GRTP1: variants seen among roughly 807,000 people sequenced by gnomAD.
GRTP1 encodes the protein growth hormone-regulated TBC protein 1.
Under a neutral mutation model 38.1 loss-of-function variants are expected in GRTP1, and 56 were observed. The observed-to-expected ratio is 1.47, with a 90% CI of 1.19 to 1.84. GRTP1 has a LOEUF of 1.84. GRTP1 is among the 40% of genes most tolerant of loss of function. The pLI is 0.00. For missense variants in GRTP1, 506 were observed against 453.9 expected, an observed-to-expected ratio of 1.11 and a Z score of -1.04; for synonymous variants, 217 against 189.5, an observed-to-expected ratio of 1.14 and a Z score of -1.19.
intron 4 of GRTP1, among the ~76,000 whole-genome samples, chr13:113,347,386 G>A (rs984568142): frequency 3.8e-5 from 3 of 79,962 alleles, no homozygotes; most frequent in Admixed American, 1.1e-4. Context: ...GAAGCCGAGA[G>A]CAGACCCGGG....
rs866960049 is a variant in GRTP1 at position 113,346,032 on chromosome 13, A to G, written c.466-1073T>C. Among the ~76,000 whole-genome samples, 296 of 31,634 alleles carry G rather than the reference A, an allele frequency of 9.4e-3. 2 individuals are homozygous for G. The highest frequency in any genetic ancestry group is 0.029 in the African/African-American group (252 of 8,616). The allele number at this position is 31,634 out of a possible 152,430, so 20.8% of individuals were successfully genotyped here. A position where few individuals can be genotyped will look rare whatever the true frequency, so the allele number is the denominator to read the frequency against. On this transcript the variant is annotated intron_variant, in intron 4 of 7. Coordinates refer to ENST00000375431, the MANE Select transcript of GRTP1 (RefSeq NM_024719.4). ...CCTCTGCGGCTGAGCAGACCTGGGAAGACATCTGTGGCCGAGAGCAGACCC... is the reference window on the plus strand; with the variant it reads ...CCTCTGCGGCTGAGCAGACCTGGGAGGACATCTGTGGCCGAGAGCAGACCC...
Position 113,324,298 on chromosome 13 carries a change from CAT to C in GRTP1, c.*188_*189del. 1.3e-6 allele frequency: 1 copy of C among 782,954 alleles called. No homozygotes were observed. The highest frequency in any genetic ancestry group is 3.4e-5 in the South Asian group (1 of 29,654). 48.5% of individuals were successfully genotyped at this position (782,954 alleles called of 1,614,324 possible). ...AAGTTTTCTTTAAAAAGTATGACTTCATAGCTAATCATCAAAAGCTGGTAGAA... is the reference window on the plus strand; with the variant it reads ...AAGTTTTCTTTAAAAAGTATGACTTCAGCTAATCATCAAAAGCTGGTAGAA... On this transcript the variant is annotated 3_prime_UTR_variant, in exon 8 of 8. Transcript: ENST00000375431.
intron 7 of GRTP1, chr13:113,325,360 GGGGAGGCCGGGCCTC>G: frequency 7.0e-7 from 1 of 1,425,972 alleles, no homozygotes; most frequent in Non-Finnish European, 9.1e-7. Context: ...AGGACCCAGT[GGGGAGGCCGGGCCTC>G]GGGAAGCCAC....
intron 5 of GRTP1, 83 bp from the exon 6 acceptor site, chr13:113,326,174 A>G (rs1240283902): frequency 3.9e-6 from 6 of 1,534,914 alleles, no homozygotes; most frequent in African/African-American, 2.7e-5. Flanking sequence ...AGACAAAGAC[A>G]ACAGGGCCAC....
At chr13:113,334,146 A>T (rs560016026) in intron 5 of GRTP1, among the ~76,000 whole-genome samples, 297 of 152,296 alleles carry the variant, frequency 2.0e-3, no homozygotes, top group African/African-American at 6.8e-3. Flanking sequence ...ATGCCTGTGC[A>T]TTTAGAAACA....
At chr13:113,325,177 A>C in intron 7 of GRTP1, 1 of 1,059,202 alleles carries the variant, frequency 9.4e-7, no homozygotes, top group Non-Finnish European at 1.1e-6. Flanking sequence ...AATACCGCCC[A>C]CGTTTGCCAT....
chr13:113,334,280 A>ACTGCCCCCCCCC (rs1202504022), intron 5 of GRTP1, among the ~76,000 whole-genome samples: 38 of 142,478 alleles, frequency 2.7e-4, no homozygotes, highest in Middle Eastern at 3.5e-3. Flanking sequence ...CACTGCCACG[A>ACTGCCCCCCCCC]CAGCCTCCCG....
rs1281403783 is a variant in GRTP1, at chr13:113,343,419, G to A, written c.562+1444C>T. On this transcript the variant is annotated intron_variant, in intron 5 of 7. Transcript: ENST00000375431. This position sits in a 1 kb window ranked among gnomAD's most constrained non-coding sequence, Gnocchi z 4.8. ...CTGTGGGGTTCCCTTCCTCTGGGGC[G>A]GCTCCGTCAGGCTGGTCTCTGGCAT... Among the ~76,000 whole-genome samples the A allele has an allele frequency of 1.3e-5, 2 of 152,270 alleles. No homozygotes were observed. Among genetic ancestry groups the A allele is most frequent in the East Asian group, 3.9e-4 (2 of 5,182 alleles).
At chr13:113,331,594 C>T (rs566509644) in intron 5 of GRTP1, among the ~76,000 whole-genome samples, 5 of 151,384 alleles carry the variant, frequency 3.3e-5, no homozygotes, top group South Asian at 2.1e-4. Context: ...CCTTCTCAGA[C>T]GCAGCTCAGG....
chr13:113,337,071 A>G (rs2042964962), intron 5 of GRTP1, among the ~76,000 whole-genome samples: 1 of 152,154 alleles, frequency 6.6e-6, no homozygotes, highest in Non-Finnish European at 1.5e-5. Context: ...AGGTGGGAGG[A>G]TCATTTGAGC....
At chr13:113,336,707 C>T (rs1421434049) in intron 5 of GRTP1, among the ~76,000 whole-genome samples, 3 of 151,844 alleles carry the variant, frequency 2.0e-5, no homozygotes, top group Non-Finnish European at 4.4e-5. Context: ...CTGAGGACAG[C>T]GGACACATGA....
intron 5 of GRTP1, among the ~76,000 whole-genome samples, chr13:113,330,235 GGGTGTGTGCATGGAAACCCA>G (rs1566415022): frequency 5.5e-5 from 7 of 127,012 alleles, no homozygotes; most frequent in Non-Finnish European, 1.0e-4. Flanking sequence ...ATGGAAACCC[GGGTGTGTGCATGGAAACCCA>G]GGTGTGTGCA....
At chr13:113,355,079 G>C in intron 3 of GRTP1, 1 of 459,362 alleles carries the variant, frequency 2.2e-6, no homozygotes, top group Non-Finnish European at 3.9e-6. Flanking sequence ...GAGCGCATCT[G>C]CTCCTTCATG....
At chr13:113,347,203 C>A (rs71446694) in intron 4 of GRTP1, among the ~76,000 whole-genome samples, 5 of 25,060 alleles carry the variant, frequency 2.0e-4, no homozygotes, top group South Asian at 1.7e-3. Context: ...CCTCTGTGGC[C>A]GAGAGCAGAC....
chr13:113,327,731 C>T (rs1057359951), intron 5 of GRTP1, among the ~76,000 whole-genome samples: 2 of 152,254 alleles, frequency 1.3e-5, no homozygotes, highest in African/African-American at 2.4e-5. Flanking sequence ...CTTTCACCTT[C>T]TTAGCTGAGC....
chr13:113,338,747 C>T (rs1461542374), intron 5 of GRTP1, among the ~76,000 whole-genome samples: 1 of 152,122 alleles, frequency 6.6e-6, no homozygotes, highest in East Asian at 1.9e-4. Flanking sequence ...GCAGAAGGCT[C>T]CACTCCAACC....
In GRTP1 at chr13:113,347,592, GAACAGACC is replaced by G. The variant is rs2043180210; in HGVS notation, c.466-2641_466-2634del. On this transcript the variant is annotated intron_variant, in intron 4 of 7. Coordinates refer to ENST00000375431, the MANE Select transcript of GRTP1 (RefSeq NM_024719.4). The stretch of plus-strand genomic sequence containing the variant: ...GACCCAGGAGGACCTCTGTGGCTGA[GAACAGACC>G]CGGGAGGACCTCTGTGGCTGAGAGC... Among the ~76,000 whole-genome samples the G allele has an allele frequency of 1.8e-4, 4 of 22,822 alleles. 1 individual carries two copies. The highest frequency in any genetic ancestry group is 2.9e-4 in the Non-Finnish European group (3 of 10,300). The allele number at this position is 22,822 out of a possible 152,430, so 15.0% of individuals were successfully genotyped here.
chr13:113,363,624 C>T (rs1014286533), intron 2 of GRTP1, 138 bp downstream of exon 2: 4 of 903,724 alleles, frequency 4.4e-6, no homozygotes, highest in Non-Finnish European at 6.5e-6. Context: ...TGCCCTAGCT[C>T]GGAGCCCGCA....
In GRTP1 at chr13:113,350,671, G is replaced by A. The variant is rs373631119; in HGVS notation, c.465+178C>T. Among the ~76,000 whole-genome samples, 5 of 152,210 alleles carry A rather than the reference G, an allele frequency of 3.3e-5. No homozygotes were observed. The East Asian group carries it at 5.8e-4, about 18-fold the overall frequency. ...CACCTGAGGCCGGAATGAGGTCGTC[G>A]GCTGCTGCTCCCTGTCCTCCCTGCT... On this transcript the variant is annotated intron_variant, in intron 4 of 7. Transcript: ENST00000375431.
Sources: allele counts gnomAD v4.1 joint callset (sites outside exome capture counted in the v4.1 genomes callset), GRCh38; gene constraint gnomAD v4.1.1; non-coding constraint Gnocchi (gnomAD v3.1); transcripts MANE v1.5; gene names NCBI Gene and HGNC (gene_info 2026-07-23, HGNC 2026-07-21).